Variants in CDH26 observed in about 807,000 individuals in gnomAD.
CDH26 encodes the protein cadherin-like protein 26.
Under a neutral mutation model 90.3 loss-of-function variants are expected in CDH26, and 83 were observed. The observed-to-expected ratio is 0.92, with a 90% CI of 0.77 to 1.10. The LOEUF (loss-of-function observed/expected upper bound fraction) is 1.10, where lower values mean the gene tolerates loss of function less well. CDH26 is among the 50% of genes least tolerant of loss of function. The pLI, the probability that CDH26 is intolerant of heterozygous loss-of-function variation, is 0.00. For synonymous variants in CDH26, 397 were observed against 396.3 expected, an observed-to-expected ratio of 1.00 and a Z score of -0.02; for missense variants, 1,013 against 1,037.6, an observed-to-expected ratio of 0.98 and a Z score of 0.33.
At chr20:59,977,243 A>G (rs2061337865) in intron 4 of CDH26, among the ~76,000 whole-genome samples, 1 of 152,206 alleles carries the variant, frequency 6.6e-6, no homozygotes, top group Non-Finnish European at 1.5e-5. Context: ...TACCCCAAGC[A>G]GGATACTGTA....
At chr20:60,007,392 G>A (rs1443722870) in intron 17 of CDH26, among the ~76,000 whole-genome samples, 4 of 152,192 alleles carry the variant, frequency 2.6e-5, no homozygotes, top group Non-Finnish European at 5.9e-5. Flanking sequence ...TAATTCAAAG[G>A]TGAGGTGGAG....
chr20:60,018,615 A>C (rs2061925331), downstream of CDH26, among the ~76,000 whole-genome samples: 1 of 148,708 alleles, frequency 6.7e-6, no homozygotes, highest in Admixed American at 6.7e-5. Flanking sequence ...TGGATAAGTG[A>C]GGGCTTACTC....
At chr20:60,019,432 TG>T (rs1368950794), downstream of CDH26, among the ~76,000 whole-genome samples, 5 of 152,212 alleles carry the variant, frequency 3.3e-5, no homozygotes, top group African/African-American at 1.2e-4. Flanking sequence ...TCAAAAGACT[TG>T]TCTTCAAGTT....
chr20:59,975,322 G>A (rs1361142473), intron 4 of CDH26, among the ~76,000 whole-genome samples: 1 of 152,134 alleles, frequency 6.6e-6, no homozygotes, highest in East Asian at 1.9e-4. Context: ...GGTGAAGGTG[G>A]AGGCAGAGAT....
In CDH26 at chr20:59,972,112, C is replaced by A. The variant is rs1294389114; in HGVS notation, c.382C>A (p.Pro128Thr). ...CCGCCCTGTCGATCGAGAAATGACA[C>A]CATCTTTCACGGTATCTAAAACTTG... ...VHRPVDREMT[P>T]SFTVYFDVVE... Residue 128 changes from proline to threonine, a missense_variant, in exon 4 of 18, where the codon CCA becomes ACA. Pro to Thr is a conservative substitution (Grantham distance 38). Transcript: ENST00000348616. The A allele has an allele frequency of 4.3e-6, 7 of 1,613,454 alleles. No homozygotes were observed. The East Asian group carries it at 1.3e-4, about 31-fold the overall frequency.
At position 59,994,241 on chromosome 20, in the gene CDH26, C is replaced by G. The variant is rs2061562850; in HGVS notation, c.1427-9C>G. ...ATAAACAACTCCTGAAACTTCCTCCCCATACAAGGCTTCCCACCGCAGACT... is the reference window on the plus strand; with the variant it reads ...ATAAACAACTCCTGAAACTTCCTCCGCATACAAGGCTTCCCACCGCAGACT... On this transcript the variant is annotated splice_polypyrimidine_tract_variant and intron_variant, in intron 10 of 17. Coordinates refer to ENST00000348616, the MANE Select transcript of CDH26 (RefSeq NM_177980.4). The G allele has an allele frequency of 4.3e-6, 7 of 1,613,712 alleles. No individual in the cohort carries two copies. In the East Asian group the frequency reaches 8.9e-5, roughly 21 times the overall value.
intron 17 of CDH26, among the ~76,000 whole-genome samples, chr20:60,011,686 G>T (rs928459751): frequency 3.3e-5 from 5 of 152,206 alleles, no homozygotes; most frequent in Non-Finnish European, 7.3e-5. Flanking sequence ...TGGTGTGCTG[G>T]ATTATCCCCT....
At chr20:60,009,385 T>G (rs1391192478) in intron 17 of CDH26, among the ~76,000 whole-genome samples, 1 of 152,248 alleles carries the variant, frequency 6.6e-6, no homozygotes, top group Non-Finnish European at 1.5e-5. Flanking sequence ...ACGTAGCATG[T>G]GGTGATCATC....
intron 17 of CDH26, among the ~76,000 whole-genome samples, chr20:60,008,094 C>T (rs1256101749): frequency 6.6e-6 from 1 of 152,154 alleles, no homozygotes; most frequent in African/African-American, 2.4e-5. Flanking sequence ...AGAAGCTGCC[C>T]AGGCCATTCT....
In CDH26 at chr20:60,033,655, T is replaced by C. The variant is rs781744679; in HGVS notation, c.1314T>C (p.Asn438=). ...GAGGAGAATCGGCAGGTGGTCACAA[T>C]TGCAGGGCTGTCTCAGGCTGAGCAG... The change falls in exon 9 of 9, where the codon AAT becomes AAC. Residue 438 remains asparagine, a synonymous_variant. Transcript: ENST00000370991. 40 of 1,304,396 alleles carry C rather than the reference T, an allele frequency of 3.1e-5. 1 individual carries two copies. The South Asian group carries it at 4.3e-4, about 14-fold the overall frequency. 80.8% of individuals were successfully genotyped at this position (1,304,396 alleles called of 1,614,324 possible). A position where few individuals can be genotyped will look rare whatever the true frequency, so the allele number is the denominator to read the frequency against.
At chr20:59,983,250 A>G (rs1347188803) in intron 5 of CDH26, among the ~76,000 whole-genome samples, 180 bp downstream of exon 5, 1 of 152,142 alleles carries the variant, frequency 6.6e-6, no homozygotes. Flanking sequence ...CTCATTTTGT[A>G]TCGGCAATAA....
intron 10 of CDH26, 146 bp from the exon 11 acceptor site, chr20:59,994,104 T>C (rs2061560954): frequency 9.8e-7 from 1 of 1,019,904 alleles, no homozygotes. Context: ...ACAGATCACG[T>C]GCATGCCAGG....
chr20:60,006,825 G>A, intron 17 of CDH26, 38 bp downstream of exon 17: 2 of 1,493,962 alleles, frequency 1.3e-6, no homozygotes, highest in Non-Finnish European at 1.9e-6. Flanking sequence ...ACTAGCTATG[G>A]GTTTTGCATC....
intron 13 of CDH26, among the ~76,000 whole-genome samples, chr20:59,999,356 G>A (rs912020012): frequency 2.9e-4 from 44 of 152,160 alleles, no homozygotes; most frequent in African/African-American, 1.1e-3. Context: ...TGAACCATGA[G>A]AAGCTCAACC....
downstream of CDH26, among the ~76,000 whole-genome samples, chr20:60,015,514 A>G (rs1361236050): frequency 1.3e-5 from 2 of 152,234 alleles, no homozygotes; most frequent in African/African-American, 4.8e-5. Flanking sequence ...CTCCTCGTGT[A>G]TTCCAGATAA....
chr20:59,970,301 G>A (rs955380094), intron 3 of CDH26, 115 bp downstream of exon 3: 3 of 1,402,574 alleles, frequency 2.1e-6, no homozygotes, highest in African/African-American at 2.9e-5. Flanking sequence ...AGGGAGTGAA[G>A]TAGAGCAGAA....
chr20:59,965,838 G>T (rs2061141713), intron 1 of CDH26, among the ~76,000 whole-genome samples: 2 of 152,048 alleles, frequency 1.3e-5, no homozygotes, highest in Non-Finnish European at 2.9e-5. Context: ...AAATCCACTG[G>T]TCTCTCTTGC....
In CDH26 at chr20:59,992,610, G is replaced by A. The variant is rs1279497584; in HGVS notation, c.1426+90G>A. The A allele has an allele frequency of 1.9e-5, 25 of 1,305,914 alleles. No homozygotes were observed. The highest frequency in any genetic ancestry group is 2.7e-5 in the Non-Finnish European group (25 of 916,690). 80.9% of individuals were successfully genotyped at this position (1,305,914 alleles called of 1,614,324 possible). ...CTGGTGAGCGTCTTTCAGCACAGCA[G>A]AGAAAAGGATAAAATAAACCTTGTT... On this transcript the variant is annotated intron_variant, in intron 10 of 17. Transcript: ENST00000348616. The surrounding 1 kb of genome is among the most constrained non-coding windows in gnomAD (Gnocchi z 5.0).
intron 7 of CDH26, among the ~76,000 whole-genome samples, chr20:60,023,781 A>G (rs1357310850): frequency 1.3e-5 from 2 of 152,208 alleles, no homozygotes; most frequent in Non-Finnish European, 2.9e-5. Flanking sequence ...GCTGTGTTTC[A>G]CAAACTATAT....
Sources: gnomAD v4.1 joint callset for allele counts (sites outside exome capture counted in the v4.1 genomes callset) on GRCh38, gnomAD v4.1.1 for gene constraint, Gnocchi (gnomAD v3.1) non-coding constraint, MANE v1.5 for transcripts, NCBI Gene and HGNC (gene_info 2026-07-23, HGNC 2026-07-21) for gene names.